Variants in MARCHF1 observed in about 807,000 individuals in gnomAD.
MARCHF1 encodes membrane associated ring-CH-type finger 1.
In MARCHF1, 40 loss-of-function variants were observed where a neutral mutation model predicts 54.2. That is an observed-to-expected ratio of 0.74 (90% CI 0.57 to 0.96). The LOEUF (loss-of-function observed/expected upper bound fraction) is 0.96. Ranked by LOEUF, MARCHF1 falls within the 40% of genes least tolerant of loss-of-function variation. The probability of loss-of-function intolerance (pLI) is 0.00; values close to 1 mark genes in which losing one functional copy is unlikely to be tolerated. For synonymous variants in MARCHF1, 236 were observed against 236.3 expected (o/e 1.00, Z 0.01); for missense variants, 586 against 656.5 (o/e 0.89, Z 1.17).
intron 9 of MARCHF1, among the ~76,000 whole-genome samples, chr4:163,532,339 A>G (rs1262265460): frequency 1.3e-5 from 2 of 151,932 alleles, no homozygotes; most frequent in African/African-American, 2.4e-5. Context: ...TGGAGAAGGG[A>G]TAGTCTTTTT....
rs537910181 is a variant in MARCHF1 at position 164,049,616 on chromosome 4, G to C, written c.-247-60907C>G. Among the ~76,000 whole-genome samples, 3 of 151,862 alleles carry C rather than the reference G, an allele frequency of 2.0e-5. No homozygotes were observed. The South Asian group carries it at 6.2e-4, about 31-fold the overall frequency. On this transcript the variant is annotated intron_variant, in intron 2 of 9. Transcript: ENST00000514618. ...ATGACACCCTGAAAACATACCCTTGGATACATATGTTTATCCTTTTTCTAA... is the reference window on the plus strand; with the variant it reads ...ATGACACCCTGAAAACATACCCTTGCATACATATGTTTATCCTTTTTCTAA...
chr4:163,818,168 T>C (rs1227109759), intron 4 of MARCHF1, among the ~76,000 whole-genome samples: 1 of 152,130 alleles, frequency 6.6e-6, no homozygotes, highest in Non-Finnish European at 1.5e-5. Flanking sequence ...CTTAGATATT[T>C]TAGTTTGTTC....
chr4:163,690,801 A>G (rs1159258907), intron 5 of MARCHF1, among the ~76,000 whole-genome samples: 2 of 152,214 alleles, frequency 1.3e-5, no homozygotes, highest in African/African-American at 2.4e-5. Context: ...TGGACTTGCT[A>G]GGCTCCTATC....
chr4:163,920,198 G>C (rs755043393), intron 3 of MARCHF1, among the ~76,000 whole-genome samples: 2 of 152,180 alleles, frequency 1.3e-5, no homozygotes, highest in African/African-American at 4.8e-5. Context: ...AGTTAGAAAT[G>C]ATCTGAGGTC....
chr4:163,574,317 C>A lies in MARCHF1; in HGVS notation c.1191+11432G>T, dbSNP rs1284090904. Among the ~76,000 whole-genome samples, 26 of 151,942 alleles carry A rather than the reference C, an allele frequency of 1.7e-4. 1 individual carries two copies. The East Asian group carries it at 3.3e-3, about 19-fold the overall frequency. On this transcript the variant is annotated intron_variant, in intron 8 of 9. Transcript: ENST00000514618. ...TTGCTGTGCAGAAGCTCTTTAGTTT[C>A]ATTAGATCCCATTTGTCAATTTTGG...
At chr4:164,369,245 G>A (rs941819716) in intron 1 of MARCHF1, among the ~76,000 whole-genome samples, 3 of 152,132 alleles carry the variant, frequency 2.0e-5, no homozygotes, top group Non-Finnish European at 2.9e-5. Flanking sequence ...GGGACTGGGT[G>A]GTTCTTCTCT....
At chr4:163,762,195 A>C (rs1746845780) in intron 4 of MARCHF1, among the ~76,000 whole-genome samples, 3 of 152,132 alleles carry the variant, frequency 2.0e-5, no homozygotes, top group Admixed American at 1.3e-4. Context: ...CTTACTTTAA[A>C]TTATTCACAT....
At chr4:164,319,715 T>C (rs1288392597) in intron 1 of MARCHF1, among the ~76,000 whole-genome samples, 4 of 152,136 alleles carry the variant, frequency 2.6e-5, no homozygotes, top group Non-Finnish European at 4.4e-5. Context: ...GATAATCAGA[T>C]AGATCCTTTA....
chr4:164,365,251 G>GA (rs1382582359), intron 1 of MARCHF1, among the ~76,000 whole-genome samples: 2 of 151,996 alleles, frequency 1.3e-5, no homozygotes, highest in Admixed American at 1.3e-4. Flanking sequence ...GTGAATTCGA[G>GA]AAAAATGCAA....
intron 1 of MARCHF1, among the ~76,000 whole-genome samples, chr4:164,226,966 A>G (rs1185083734): frequency 6.6e-6 from 1 of 152,162 alleles, no homozygotes; most frequent in Non-Finnish European, 1.5e-5. Context: ...ATCAGCAAAT[A>G]GAGATTTGAG....
At position 163,545,757 on chromosome 4, in the gene MARCHF1, T is replaced by C. The variant is rs1393110055; in HGVS notation, c.1192-14A>G. The C allele has an allele frequency of 2.5e-6, 4 of 1,612,448 alleles. No individual in the cohort carries two copies. The highest frequency in any genetic ancestry group is 1.7e-4 in the Middle Eastern group (1 of 6,054). On this transcript the variant is annotated splice_polypyrimidine_tract_variant and intron_variant, in intron 8 of 9. Coordinates refer to ENST00000514618, the MANE Select transcript of MARCHF1 (RefSeq NM_001394959.1). ...TAGTTTCTCCCACTGCAATCAGAAA[T>C]GAAGGACACAAAACTGAATTGCAAA...
At chr4:163,776,589 T>C (rs566060896) in intron 4 of MARCHF1, among the ~76,000 whole-genome samples, 6 of 152,240 alleles carry the variant, frequency 3.9e-5, no homozygotes, top group South Asian at 2.1e-4. Context: ...CATGTTTTGA[T>C]TGATATACAA....
intron 5 of MARCHF1, among the ~76,000 whole-genome samples, chr4:163,649,435 T>C (rs115778523): frequency 1.1e-3 from 163 of 152,138 alleles, no homozygotes; most frequent in African/African-American, 3.7e-3. Context: ...TAATCGGTGA[T>C]ATCTATGTGT....
chr4:163,537,462 G>A (rs980150485), intron 9 of MARCHF1, among the ~76,000 whole-genome samples: 1 of 152,140 alleles, frequency 6.6e-6, no homozygotes, highest in Non-Finnish European at 1.5e-5. Context: ...TCAAAATGCC[G>A]GGAGCACAAA....
chr4:164,144,408 C>T (rs1393040009), intron 1 of MARCHF1, among the ~76,000 whole-genome samples: 1 of 150,400 alleles, frequency 6.6e-6, no homozygotes, highest in African/African-American at 2.5e-5. Context: ...CAAAATTGAC[C>T]ACATACTTGG....
rs886481967 is a variant in MARCHF1 at position 164,189,737 on chromosome 4, T to C, written c.-322-78075A>G. 9.1e-6 allele frequency: 11 copies of C among 1,205,454 alleles called. No homozygotes were observed. The African/African-American group carries it at 1.6e-4, about 18-fold the overall frequency. 74.7% of individuals were successfully genotyped at this position (1,205,454 alleles called of 1,614,324 possible). A position where few individuals can be genotyped will look rare whatever the true frequency, so the allele number is the denominator to read the frequency against. On this transcript the variant is annotated intron_variant, in intron 1 of 9. Transcript: ENST00000514618. ...AAGTCCATATCTTTTCTATAGCTTCTGATAATCAACCAACTGTCATAATCA... is the reference window on the plus strand; with the variant it reads ...AAGTCCATATCTTTTCTATAGCTTCCGATAATCAACCAACTGTCATAATCA...
At chr4:163,743,660 G>C (rs1475701347) in intron 4 of MARCHF1, among the ~76,000 whole-genome samples, 1 of 147,354 alleles carries the variant, frequency 6.8e-6, no homozygotes, top group Non-Finnish European at 1.5e-5. Context: ...CTCACTGCAA[G>C]CTCCGCTTCC....
intron 1 of MARCHF1, 154 bp downstream of exon 1, chr4:164,383,716 A>C (rs1731445139): frequency 6.6e-6 from 1 of 152,602 alleles, no homozygotes; most frequent in Non-Finnish European, 1.5e-5. Flanking sequence ...TCCCCAGTGG[A>C]CCCACCAGGC....
chr4:163,979,612 G>T (rs1264290553), intron 3 of MARCHF1, among the ~76,000 whole-genome samples: 11 of 151,636 alleles, frequency 7.3e-5, no homozygotes, highest in African/African-American at 2.4e-4. Flanking sequence ...CTTCCACAAT[G>T]GTTGAACTAG....
Sources: gnomAD v4.1 joint callset for allele counts (sites outside exome capture counted in the v4.1 genomes callset) on GRCh38, gnomAD v4.1.1 for gene constraint, MANE v1.5 for transcripts, NCBI Gene and HGNC (gene_info 2026-07-23, HGNC 2026-07-21) for gene names.